The following ARHGAP35 variants were observed in gnomAD, a reference collection of about 807,000 sequenced individuals.
ARHGAP35 encodes the protein rho GTPase-activating protein 35.
A neutral mutation model predicts 111.1 loss-of-function variants in ARHGAP35; 15 were observed. The observed-to-expected ratio is 0.13, with a 90% CI of 0.09 to 0.21. The LOEUF (loss-of-function observed/expected upper bound fraction) is 0.21. Ranked by LOEUF, ARHGAP35 falls within the 10% of genes least tolerant of loss-of-function variation. ARHGAP35 has a pLI of 1.00. For synonymous variants in ARHGAP35, 643 were observed against 710.3 expected (o/e 0.91, Z 1.51); for missense variants, 1,262 against 1,873.0 (o/e 0.67, Z 6.02).
rs554307173 is a variant in ARHGAP35 at position 46,890,267 on chromosome 19, T to G, written c.-188-28221T>G. On this transcript the variant is annotated intron_variant, in intron 1 of 6. Transcript: ENST00000672722. Reference sequence around the variant, plus strand: ...CTAAGGAGGAGTATGTAAGCTTTCTTTTTTGGAAGCTTGGGTATTATGGCT... The same window carrying G: ...CTAAGGAGGAGTATGTAAGCTTTCTGTTTTGGAAGCTTGGGTATTATGGCT... 3.3e-5 allele frequency among the ~76,000 whole-genome samples: 5 copies of G among 152,348 alleles called. No homozygotes were observed. The South Asian group carries it at 1.0e-3, about 32-fold the overall frequency.
chr19:46,866,954 C>T (rs1393842165), intron 1 of ARHGAP35, among the ~76,000 whole-genome samples: 1 of 152,176 alleles, frequency 6.6e-6, no homozygotes, highest in East Asian at 1.9e-4. Context: ...CTGAACAGCA[C>T]TTGTATTGCT....
intron 2 of ARHGAP35, among the ~76,000 whole-genome samples, chr19:46,930,895 T>G (rs1480164948): frequency 6.6e-6 from 1 of 152,004 alleles, no homozygotes; most frequent in Non-Finnish European, 1.5e-5. Context: ...TGCTGCCAGT[T>G]TGTTATGTGG....
intron 3 of ARHGAP35, among the ~76,000 whole-genome samples, chr19:46,985,825 T>C (rs1284343936): frequency 1.3e-5 from 2 of 152,112 alleles, no homozygotes; most frequent in African/African-American, 4.8e-5. Flanking sequence ...TTGGTGCAAT[T>C]AACAGCTTTT....
intron 3 of ARHGAP35, among the ~76,000 whole-genome samples, chr19:46,981,781 C>A (rs1215041354): frequency 6.6e-6 from 1 of 152,174 alleles, no homozygotes; most frequent in African/African-American, 2.4e-5. Context: ...CCAGCTCTCA[C>A]CGGAGGGCCG....
At chr19:46,885,053 G>A (rs117876970) in intron 1 of ARHGAP35, among the ~76,000 whole-genome samples, 1 of 152,100 alleles carries the variant, frequency 6.6e-6, no homozygotes. Flanking sequence ...GCTTGCGGAA[G>A]TTCTTTCAGC....
At chr19:46,874,501 CTTT>C (rs758783354) in intron 1 of ARHGAP35, among the ~76,000 whole-genome samples, 1 of 114,452 alleles carries the variant, frequency 8.7e-6, no homozygotes, top group Non-Finnish European at 1.7e-5. Flanking sequence ...TATGTTTTGT[CTTT>C]TTTTTTTTTT....
chr19:46,912,791 A>C (rs2056144819), intron 1 of ARHGAP35, among the ~76,000 whole-genome samples: 1 of 151,082 alleles, frequency 6.6e-6, no homozygotes, highest in Admixed American at 6.6e-5. Flanking sequence ...TTCTTGTTCC[A>C]CCCCTCCCAC....
Position 46,902,160 on chromosome 19 carries a change from C to T in ARHGAP35, c.-188-16328C>T, listed in dbSNP as rs546761812. On this transcript the variant is annotated intron_variant, in intron 1 of 6. Transcript: ENST00000672722. ...AAGAAGGCCTTTTCACTTACCTTTG[C>T]TTTTTAAAGTTGAGTAGCCTGTGAT... 4.6e-5 allele frequency among the ~76,000 whole-genome samples: 7 copies of T among 152,204 alleles called. 1 individual carries two copies. Among genetic ancestry groups the T allele is most frequent in the African/African-American group, 1.7e-4 (7 of 41,534 alleles).
At chr19:46,887,060 A>G (rs1277554516) in intron 1 of ARHGAP35, among the ~76,000 whole-genome samples, 2 of 152,086 alleles carry the variant, frequency 1.3e-5, no homozygotes, top group Non-Finnish European at 2.9e-5. Context: ...GTGTGGGTGT[A>G]TGTATGCATG....
At chr19:46,935,212 A>G (rs2056300445) in intron 2 of ARHGAP35, among the ~76,000 whole-genome samples, 1 of 152,180 alleles carries the variant, frequency 6.6e-6, no homozygotes, top group Non-Finnish European at 1.5e-5. Flanking sequence ...GGTATCTCAC[A>G]GTGAGTGGGG....
In ARHGAP35 at chr19:47,000,203, C is replaced by T. The variant is rs549845311; in HGVS notation, c.4143-128C>T. 8.1e-6 allele frequency: 8 copies of T among 985,196 alleles called. No homozygotes were observed. Among genetic ancestry groups the T allele is most frequent in the African/African-American group, 1.6e-5 (1 of 61,498 alleles). The allele number at this position is 985,196 out of a possible 1,614,324, so 61.0% of individuals were successfully genotyped here. ...AGGCAGGGCAGGGTACAGAGAGCTG[C>T]GCATGGCCTTTTCTGCTCCACCTGA... On this transcript the variant is annotated intron_variant, in intron 6 of 6. Coordinates refer to ENST00000672722, the MANE Select transcript of ARHGAP35 (RefSeq NM_004491.5). The surrounding 1 kb of genome is among the most constrained non-coding windows in gnomAD (Gnocchi z 6.9).
At chr19:46,940,117 T>C (rs895122192) in intron 3 of ARHGAP35, among the ~76,000 whole-genome samples, 2 of 151,908 alleles carry the variant, frequency 1.3e-5, no homozygotes, top group African/African-American at 4.8e-5. Flanking sequence ...ACGCTTGTAG[T>C]TCCAGTACTT....
intron 3 of ARHGAP35, 117 bp from the exon 4 acceptor site, chr19:46,987,872 C>T (rs1331633555): frequency 1.1e-6 from 1 of 904,306 alleles, no homozygotes; most frequent in Admixed American, 2.1e-5. Context: ...GCCTGCTCCT[C>T]TCTTGTGGTG....
chr19:46,873,437 C>A (rs1433318734), intron 1 of ARHGAP35, among the ~76,000 whole-genome samples: 1 of 151,830 alleles, frequency 6.6e-6, no homozygotes, highest in Non-Finnish European at 1.5e-5. Flanking sequence ...TTCGAAACTA[C>A]CCTAGCCAAC....
At chr19:46,954,857 A>G (rs572108922) in intron 3 of ARHGAP35, among the ~76,000 whole-genome samples, 62 of 152,220 alleles carry the variant, frequency 4.1e-4, no homozygotes, top group Non-Finnish European at 6.2e-4. Context: ...TTTTGTTTTA[A>G]AAGCCACAAC....
chr19:46,861,318 G>A (rs894307638), intron 1 of ARHGAP35, among the ~76,000 whole-genome samples, 109 bp downstream of exon 1: 1 of 150,730 alleles, frequency 6.6e-6, no homozygotes, highest in African/African-American at 2.4e-5. Context: ...AACAATGGAG[G>A]AGCTGGAGGG....
In ARHGAP35 at chr19:46,908,659, A is replaced by G. The variant is rs78601563; in HGVS notation, c.-188-9829A>G. On this transcript the variant is annotated intron_variant, in intron 1 of 6. Transcript: ENST00000672722. The surrounding 1 kb of genome is among the most constrained non-coding windows in gnomAD (Gnocchi z 4.2). ...TGCTAAGGATAAAGCTTAAGGAAGT[A>G]CTTTGGCTAAAAGCGGCTCCCTTTA... 5.0e-4 allele frequency among the ~76,000 whole-genome samples: 76 copies of G among 152,340 alleles called. No individual in the cohort carries two copies. Among genetic ancestry groups the G allele is most frequent in the African/African-American group, 1.7e-3 (72 of 41,582 alleles).
chr19:46,879,763 G>GATGAGGCAA (rs1210185449), intron 1 of ARHGAP35, among the ~76,000 whole-genome samples: 2 of 149,806 alleles, frequency 1.3e-5, no homozygotes, highest in Non-Finnish European at 1.5e-5. Context: ...CAGCCTGGGT[G>GATGAGGCAA]GCAGAACTAG....
chr19:46,978,556 GTGTGTGTGTGGTGGGA>G (rs1568485517), intron 3 of ARHGAP35, among the ~76,000 whole-genome samples: 1 of 144,368 alleles, frequency 6.9e-6, no homozygotes, highest in African/African-American at 2.6e-5. Context: ...GTGTGGTGAG[GTGTGTGTGTGGTGGGA>G]TGTGTGTGTG....
Sources: gnomAD v4.1 joint callset for allele counts (sites outside exome capture counted in the v4.1 genomes callset) on GRCh38, gnomAD v4.1.1 for gene constraint, Gnocchi (gnomAD v3.1) non-coding constraint, MANE v1.5 for transcripts, NCBI Gene and HGNC (gene_info 2026-07-23, HGNC 2026-07-21) for gene names.